The following HSD17B4 variants were observed in gnomAD, a reference collection of about 807,000 sequenced individuals.
HSD17B4 encodes hydroxysteroid 17-beta dehydrogenase 4, also known as peroxisomal multifunctional enzyme type 2.
HSD17B4 carries 70 observed loss-of-function variants against 101.0 expected under a neutral mutation model. The observed-to-expected ratio is 0.69, with a 90% CI of 0.57 to 0.85. HSD17B4 has a LOEUF of 0.85. Ranked by LOEUF, HSD17B4 falls within the 40% of genes least tolerant of loss-of-function variation. The pLI is 0.00. For synonymous variants in HSD17B4, 347 were observed against 297.1 expected (o/e 1.17, Z -1.73); for missense variants, 984 against 892.4 (o/e 1.10, Z -1.31).
chr5:119,473,873 TA>T, intron 2 of HSD17B4, 34 bp from the exon 3 acceptor site: 1 of 1,194,584 alleles, frequency 8.4e-7, no homozygotes, highest in South Asian at 1.2e-5. Context: ...AAGTCTAGAA[TA>T]ATTAATTGTT....
At chr5:119,527,646 T>C (rs1753723530) in intron 20 of HSD17B4, among the ~76,000 whole-genome samples, 2 of 152,072 alleles carry the variant, frequency 1.3e-5, no homozygotes, top group African/African-American at 4.8e-5. Context: ...TCTTGCAATA[T>C]GATAAAACAT....
chr5:119,531,417 C>G lies in HSD17B4; in HGVS notation c.1993+13C>G. ...GGGGCTAAGTGGAGTAAGTTATAGC[C>G]CTGATTTTATAATATTCTAAGGTAA... On this transcript the variant is annotated intron_variant, in intron 22 of 23. Transcript: ENST00000510025. 3 of 1,607,626 alleles carry G rather than the reference C, an allele frequency of 1.9e-6. No homozygotes were observed. Among genetic ancestry groups the G allele is most frequent in the Non-Finnish European group, 2.6e-6 (3 of 1,174,580 alleles).
Position 119,520,955 on chromosome 5 carries a change from C to T in HSD17B4, c.1504-4261C>T, listed in dbSNP as rs146579241. 7.9e-4 allele frequency among the ~76,000 whole-genome samples: 120 copies of T among 152,256 alleles called. 1 individual carries two copies. The highest frequency in any genetic ancestry group is 2.6e-3 in the African/African-American group (110 of 41,560). ...GATGCATTATTTTTACTGTTTAGAG[C>T]ATTTAACATTTATGTATTATTTCCA... On this transcript the variant is annotated intron_variant, in intron 17 of 23. Transcript: ENST00000510025.
chr5:119,492,950 G>A (rs553288812), intron 10 of HSD17B4: 1 of 152,262 alleles, frequency 6.6e-6, no homozygotes, highest in Non-Finnish European at 1.5e-5. Context: ...CATTGCTGTA[G>A]TAGTATAATA....
chr5:119,464,232 T>C (rs1224999731), intron 2 of HSD17B4, among the ~76,000 whole-genome samples: 1 of 152,168 alleles, frequency 6.6e-6, no homozygotes, highest in Non-Finnish European at 1.5e-5. Context: ...TTGCCTATGC[T>C]TCCGAGGTCT....
In HSD17B4 at chr5:119,542,082, A is replaced by G. The variant is rs968238946; in HGVS notation, c.*88A>G. 1.2e-6 allele frequency: 1 copy of G among 867,716 alleles called. No individual in the cohort carries two copies. The highest frequency in any genetic ancestry group is 1.9e-6 in the Non-Finnish European group (1 of 516,988). 53.8% of individuals were successfully genotyped at this position (867,716 alleles called of 1,614,324 possible). On this transcript the variant is annotated 3_prime_UTR_variant, in exon 24 of 24. Coordinates refer to ENST00000510025, the MANE Select transcript of HSD17B4 (RefSeq NM_000414.4). ...TGATTATTCTGCAAAAGTGATTAGAACTAAGATGCAGGGGAAATTGCTTAA... is the reference window on the plus strand; with the variant it reads ...TGATTATTCTGCAAAAGTGATTAGAGCTAAGATGCAGGGGAAATTGCTTAA...
At chr5:119,466,304 A>G (rs1428252868) in intron 2 of HSD17B4, among the ~76,000 whole-genome samples, 10 of 152,278 alleles carry the variant, frequency 6.6e-5, no homozygotes, top group East Asian at 1.9e-4. Flanking sequence ...GGGTATCAGT[A>G]TAATGCCCAC....
chr5:119,518,138 C>T (rs1003433734), intron 17 of HSD17B4, among the ~76,000 whole-genome samples: 3 of 152,116 alleles, frequency 2.0e-5, no homozygotes, highest in East Asian at 3.9e-4. Context: ...TTTGTTCTTT[C>T]ACTCTTTGCA....
chr5:119,480,777 C>T (rs1749049002), intron 8 of HSD17B4, among the ~76,000 whole-genome samples: 1 of 152,182 alleles, frequency 6.6e-6, no homozygotes. Context: ...GCAGTCTCAA[C>T]CGTAAGAGAC....
chr5:119,502,124 C>A, intron 14 of HSD17B4, 32 bp downstream of exon 14: 1 of 1,351,786 alleles, frequency 7.4e-7, no homozygotes, highest in Non-Finnish European at 1.1e-6. Flanking sequence ...TCCATAATAC[C>A]ATACTTTTAT....
In HSD17B4 at chr5:119,531,340, G is replaced by A. The variant is rs148189286; in HGVS notation, c.1929G>A (p.Val643=). The part of the protein sequence containing the change: ...RRLKDIGPEV[V]KKVNAVFEWH... ...TAAAGGATATTGGGCCTGAGGTGGT[G>A]AAGAAAGTAAATGCTGTATTTGAGT... The change falls in exon 22 of 24, where the codon GTG becomes GTA. Residue 643 remains valine, a synonymous_variant. Coordinates refer to ENST00000510025, the MANE Select transcript of HSD17B4 (RefSeq NM_000414.4). 1.2e-4 allele frequency: 194 copies of A among 1,613,714 alleles called. No homozygotes were observed. Among genetic ancestry groups the A allele is most frequent in the Middle Eastern group, 9.9e-4 (6 of 6,056 alleles).
At chr5:119,470,969 T>A (rs192421380) in intron 2 of HSD17B4, among the ~76,000 whole-genome samples, 99 of 152,348 alleles carry the variant, frequency 6.5e-4, no homozygotes, top group Non-Finnish European at 1.2e-3. Flanking sequence ...CCATGATTGA[T>A]CTCAATAAAT....
chr5:119,496,569 C>G lies in HSD17B4; in HGVS notation c.895C>G (p.Leu299Val), dbSNP rs1265148467. Reference sequence around the variant, plus strand: ...ATCAACTGGCAGTATAATTGAAGTTCTGAGTAAAATAGATTCAGAAGGAGG... The same window carrying G: ...ATCAACTGGCAGTATAATTGAAGTTGTGAGTAAAATAGATTCAGAAGGAGG... ...QESTGSIIEVLSKIDSEGGVS... is the reference protein window; with the variant it reads ...QESTGSIIEVVSKIDSEGGVS... Residue 299 changes from leucine (L) to valine (V), a missense_variant, in exon 12 of 24, where the codon CTG (leucine) becomes GTG (valine). Transcript: ENST00000510025. The G allele has an allele frequency of 6.3e-7, 1 of 1,590,812 alleles. No homozygotes were observed. Among genetic ancestry groups the G allele is most frequent in the East Asian group, 2.2e-5 (1 of 44,764 alleles).
intron 13 of HSD17B4, 85 bp downstream of exon 13, chr5:119,499,638 G>A (rs1441685015): frequency 5.3e-6 from 4 of 755,550 alleles, no homozygotes; most frequent in Non-Finnish European, 9.4e-6. Flanking sequence ...ATATGTGTGT[G>A]TAGTGTGTGT....
In HSD17B4 at chr5:119,502,020, A is replaced by G. The variant is rs755507874; in HGVS notation, c.1210-21A>G. ...TGGAGCAAGAAAGTTTGCTAATAAAATTTTGTTTACCCTAACATAGGTTCT... is the reference window on the plus strand; with the variant it reads ...TGGAGCAAGAAAGTTTGCTAATAAAGTTTTGTTTACCCTAACATAGGTTCT... On this transcript the variant is annotated intron_variant, in intron 13 of 23. Transcript: ENST00000510025. The G allele has an allele frequency of 7.1e-6, 11 of 1,545,294 alleles. No homozygotes were observed. In the East Asian group the frequency reaches 2.5e-4, roughly 35 times the overall value.
intron 8 of HSD17B4, 59 bp from the exon 9 acceptor site, chr5:119,489,129 ATAAG>A (rs1401995063): frequency 6.2e-6 from 7 of 1,121,788 alleles, no homozygotes; most frequent in Non-Finnish European, 9.5e-6. Context: ...CTATAATTTT[ATAAG>A]TAAGAAATTC....
At chr5:119,458,997 T>C (rs1754949440) in intron 2 of HSD17B4, among the ~76,000 whole-genome samples, 1 of 152,228 alleles carries the variant, frequency 6.6e-6, no homozygotes, top group Non-Finnish European at 1.5e-5. Context: ...GAAAGGGAGT[T>C]CTACTCTTGA....
At chr5:119,503,064 C>G (rs894508477) in intron 14 of HSD17B4, among the ~76,000 whole-genome samples, 3 of 146,246 alleles carry the variant, frequency 2.1e-5, no homozygotes, top group African/African-American at 5.1e-5. Context: ...TTCTCAATCC[C>G]AACCTTGGAA....
At position 119,542,086 on chromosome 5, in the gene HSD17B4, A is replaced by G. The variant is rs1755046180; in HGVS notation, c.*92A>G. 1 of 842,982 alleles carries G rather than the reference A, an allele frequency of 1.2e-6. No homozygotes were observed. The highest frequency in any genetic ancestry group is 2.0e-6 in the Non-Finnish European group (1 of 495,768). 52.2% of individuals were successfully genotyped at this position (842,982 alleles called of 1,614,324 possible). On this transcript the variant is annotated 3_prime_UTR_variant, in exon 24 of 24. Coordinates refer to ENST00000510025, the MANE Select transcript of HSD17B4 (RefSeq NM_000414.4). ...TATTCTGCAAAAGTGATTAGAACTA[A>G]GATGCAGGGGAAATTGCTTAACATT...
Sources: gnomAD v4.1 joint callset for allele counts (sites outside exome capture counted in the v4.1 genomes callset) on GRCh38, gnomAD v4.1.1 for gene constraint, MANE v1.5 for transcripts, NCBI Gene and HGNC (gene_info 2026-07-23, HGNC 2026-07-21) for gene names.